The following ADCY2 variants were observed in gnomAD, a reference collection of about 807,000 sequenced individuals.
The protein encoded by ADCY2 is adenylate cyclase 2.
ADCY2 carries 31 observed loss-of-function variants against 125.2 expected under a neutral mutation model. The observed-to-expected ratio is 0.25, with a 90% CI of 0.19 to 0.33. The LOEUF is 0.33. Among genes scored for constraint, ADCY2 ranks in the 10% least tolerant of loss-of-function variants. The pLI is 1.00. For synonymous variants in ADCY2, 512 were observed against 548.4 expected (o/e 0.93, Z 0.93); for missense variants, 904 against 1,418.2 (o/e 0.64, Z 5.82).
rs766164502 is a variant in ADCY2 at position 7,712,862 on chromosome 5, C to A, written c.1585C>A (p.Pro529Thr). 1.0e-5 allele frequency: 16 copies of A among 1,607,744 alleles called. No individual in the cohort carries two copies. The East Asian group carries it at 3.6e-4, about 36-fold the overall frequency. The change falls in exon 11 of 25, where the codon CCC becomes ACC. Residue 529 changes from proline to threonine, a missense_variant. Physicochemically the swap from Pro to Thr is conservative, Grantham distance 38. Transcript: ENST00000338316. The stretch of plus-strand genomic sequence containing the variant: ...ACCTTTTTTCTCAATATAGGATGTA[C>A]CCATGGGTCAGCATAATTTTCAAAA... ...ENGKISTTDVPMGQHNFQNRT... is the reference protein window; with the variant it reads ...ENGKISTTDVTMGQHNFQNRT...
chr5:7,535,011 T>A (rs761767973), intron 3 of ADCY2, among the ~76,000 whole-genome samples: 1 of 152,212 alleles, frequency 6.6e-6, no homozygotes, highest in African/African-American at 2.4e-5. Flanking sequence ...GCTTCTGAGA[T>A]CTTTGGCAGA....
chr5:7,577,840 C>T (rs1029597878), intron 3 of ADCY2, among the ~76,000 whole-genome samples: 3 of 152,164 alleles, frequency 2.0e-5, no homozygotes, highest in Non-Finnish European at 4.4e-5. Context: ...TGGTTAAAAG[C>T]ACTTACAGTT....
chr5:7,539,339 C>T (rs1443747165), intron 3 of ADCY2, among the ~76,000 whole-genome samples: 1 of 150,296 alleles, frequency 6.7e-6, no homozygotes, highest in Non-Finnish European at 1.5e-5. Context: ...CAAAGGACTA[C>T]CAAAATGCAT....
At chr5:7,718,405 C>T (rs559445633) in intron 12 of ADCY2, among the ~76,000 whole-genome samples, 191 of 152,230 alleles carry the variant, frequency 1.3e-3, no homozygotes, top group African/African-American at 4.3e-3. Flanking sequence ...GCCTCAGCCT[C>T]CCAAAGTGCT....
At chr5:7,531,215 C>T (rs1734629062) in intron 3 of ADCY2, among the ~76,000 whole-genome samples, 1 of 152,174 alleles carries the variant, frequency 6.6e-6, no homozygotes, top group Non-Finnish European at 1.5e-5. Context: ...TCATGCCACT[C>T]TTTGTCTAGA....
At chr5:7,491,940 G>A (rs985583465) in intron 2 of ADCY2, among the ~76,000 whole-genome samples, 1 of 152,180 alleles carries the variant, frequency 6.6e-6, no homozygotes, top group Non-Finnish European at 1.5e-5. Flanking sequence ...AGAACTAACT[G>A]AACTTCCTGT....
intron 3 of ADCY2, among the ~76,000 whole-genome samples, chr5:7,523,099 G>A (rs1744517461): frequency 6.6e-6 from 1 of 152,000 alleles, no homozygotes; most frequent in South Asian, 2.1e-4. Flanking sequence ...GCTCCTTCAG[G>A]AATAAATGAA....
At chr5:7,562,411 G>A (rs961365958) in intron 3 of ADCY2, among the ~76,000 whole-genome samples, 4 of 152,076 alleles carry the variant, frequency 2.6e-5, no homozygotes, top group Admixed American at 6.5e-5. Flanking sequence ...AATAATGGAA[G>A]GGACTCTCTT....
chr5:7,405,460 G>A (rs1157926280), intron 1 of ADCY2, among the ~76,000 whole-genome samples: 1 of 152,178 alleles, frequency 6.6e-6, no homozygotes, highest in African/African-American at 2.4e-5. Context: ...ACATTTATGT[G>A]TGTGGACAGC....
chr5:7,574,901 A>AT (rs572838236), intron 3 of ADCY2, among the ~76,000 whole-genome samples: 22 of 151,722 alleles, frequency 1.5e-4, no homozygotes, highest in South Asian at 2.1e-4. Flanking sequence ...GATTAGACAC[A>AT]TTTTTTTTTA....
intron 3 of ADCY2, among the ~76,000 whole-genome samples, chr5:7,599,590 A>G (rs1019691863): frequency 4.6e-5 from 7 of 152,120 alleles, no homozygotes; most frequent in African/African-American, 1.7e-4. Context: ...TTATGGAAGG[A>G]AGGGGGTCTG....
chr5:7,760,369 G>A (rs959123426), intron 16 of ADCY2, among the ~76,000 whole-genome samples: 6 of 152,206 alleles, frequency 3.9e-5, no homozygotes, highest in Admixed American at 6.5e-5. Context: ...GTAGCCAAGG[G>A]GCTGAGGATG....
At chr5:7,637,431 C>CAAAAAAAA (rs71591740) in intron 4 of ADCY2, among the ~76,000 whole-genome samples, 1 of 74,614 alleles carries the variant, frequency 1.3e-5, no homozygotes, top group African/African-American at 4.3e-5. Context: ...GACTCCGTCT[C>CAAAAAAAA]AAAAAAAAAA....
Position 7,626,277 on chromosome 5 carries a change from C to G in ADCY2, c.681C>G (p.Ile227Met), listed in dbSNP as rs554318638. The G allele has an allele frequency of 6.2e-7, 1 of 1,614,084 alleles. No homozygotes were observed. Among genetic ancestry groups the G allele is most frequent in the East Asian group, 2.2e-5 (1 of 44,870 alleles). ...CATATCAGGACACCTGTAATTGCAT[C>G]AAGTCGCGGATCAAGTTGGAATTTG... ...QQTYQDTCNC[I>M]KSRIKLEFEK... is the part of the protein sequence containing the mutation. Residue 227 changes from isoleucine to methionine, a missense_variant, in exon 4 of 25, where the codon ATC (isoleucine) becomes ATG (methionine). Physicochemically the swap from Ile to Met is conservative, Grantham distance 10. Coordinates refer to ENST00000338316, the MANE Select transcript of ADCY2 (RefSeq NM_020546.3).
chr5:7,777,726 C>T (rs1056712057), intron 18 of ADCY2, among the ~76,000 whole-genome samples: 4 of 152,186 alleles, frequency 2.6e-5, no homozygotes, highest in Admixed American at 1.3e-4. Context: ...ATGTTACAAA[C>T]CAATGGAGTT....
At chr5:7,667,310 TATGTAG>T (rs1387090123) in intron 4 of ADCY2, among the ~76,000 whole-genome samples, 1 of 152,102 alleles carries the variant, frequency 6.6e-6, no homozygotes, top group Non-Finnish European at 1.5e-5. Context: ...CAGGCTTCAA[TATGTAG>T]ATGTTTTGCA....
intron 7 of ADCY2, among the ~76,000 whole-genome samples, chr5:7,704,961 C>T (rs1357084514): frequency 3.3e-5 from 5 of 151,888 alleles, no homozygotes; most frequent in African/African-American, 9.7e-5. Context: ...AACATGGAGA[C>T]GGTTTTAATG....
intron 2 of ADCY2, among the ~76,000 whole-genome samples, chr5:7,456,068 A>G (rs1024919992): frequency 1.3e-5 from 2 of 151,690 alleles, no homozygotes; most frequent in Admixed American, 1.3e-4. Flanking sequence ...GTCTGTAGGA[A>G]GGAAAGTAGT....
chr5:7,638,721 C>G (rs1738589940), intron 4 of ADCY2, among the ~76,000 whole-genome samples: 1 of 152,126 alleles, frequency 6.6e-6, no homozygotes, highest in Admixed American at 6.5e-5. Context: ...GATTCATTTC[C>G]TAGGGTCGTC....
Sources: allele counts gnomAD v4.1 joint callset (sites outside exome capture counted in the v4.1 genomes callset), GRCh38; gene constraint gnomAD v4.1.1; transcripts MANE v1.5; gene names NCBI Gene and HGNC (gene_info 2026-07-23, HGNC 2026-07-21).